COLQ: variants seen among roughly 807,000 people sequenced by gnomAD.
COLQ encodes collagen like tail subunit of asymmetric acetylcholinesterase.
Under a neutral mutation model 69.0 loss-of-function variants are expected in COLQ, and 48 were observed. That is an observed-to-expected ratio of 0.70 (90% CI 0.55 to 0.88). The LOEUF is 0.88. COLQ is among the 40% of genes least tolerant of loss of function. COLQ has a pLI of 0.00. For missense variants in COLQ, 618 were observed against 594.6 expected, an observed-to-expected ratio of 1.04 and a Z score of -0.41; for synonymous variants, 217 against 211.2, an observed-to-expected ratio of 1.03 and a Z score of -0.24.
At chr3:15,466,852 G>T (rs1217276102) in intron 11 of COLQ, among the ~76,000 whole-genome samples, 1 of 152,162 alleles carries the variant, frequency 6.6e-6, no homozygotes, top group East Asian at 1.9e-4. Context: ...CCAGCCTTTT[G>T]GCCTTTTTGG....
At chr3:15,463,493 C>T (rs2062153268) in intron 12 of COLQ, among the ~76,000 whole-genome samples, 1 of 151,954 alleles carries the variant, frequency 6.6e-6, no homozygotes, top group Admixed American at 6.6e-5. Flanking sequence ...ACTACAGGCG[C>T]CCGCCACTAC....
At chr3:15,467,738 C>T (rs2062220592) in intron 11 of COLQ, 1 of 400,872 alleles carries the variant, frequency 2.5e-6, no homozygotes, top group Non-Finnish European at 5.0e-6. Flanking sequence ...GTTCTTCTTA[C>T]TACACTTGCG....
intron 1 of COLQ, among the ~76,000 whole-genome samples, chr3:15,519,927 C>A (rs2063113683): frequency 6.6e-6 from 1 of 152,230 alleles, no homozygotes; most frequent in Admixed American, 6.5e-5. Context: ...GTGCCAGGCA[C>A]TGTTCTGACC....
chr3:15,468,854 G>A (rs1355452298), intron 11 of COLQ, among the ~76,000 whole-genome samples: 2 of 152,140 alleles, frequency 1.3e-5, no homozygotes, highest in Non-Finnish European at 2.9e-5. Context: ...ATAACCTGAG[G>A]AGACTGGATT....
At chr3:15,472,068 G>T (rs9813801) in intron 10 of COLQ, among the ~76,000 whole-genome samples, 4,288 of 151,398 alleles carry the variant, frequency 0.028, 188 homozygotes, top group African/African-American at 0.097. Flanking sequence ...TCTCTCCCAA[G>T]ACCTAATTAT....
intron 11 of COLQ, chr3:15,467,872 G>A (rs938436812): frequency 4.4e-6 from 2 of 456,642 alleles, no homozygotes; most frequent in African/African-American, 4.0e-5. Context: ...ACATGGCACT[G>A]GGGGCCGTCT....
At chr3:15,477,442 T>A in intron 5 of COLQ, 1 of 513,748 alleles carries the variant, frequency 1.9e-6, no homozygotes, top group Non-Finnish European at 3.5e-6. Context: ...AACTTCTTGG[T>A]TTTTTAATTT....
At chr3:15,453,653 C>G (rs780267134) in intron 16 of COLQ, among the ~76,000 whole-genome samples, 176 bp downstream of exon 16, 11 of 152,142 alleles carry the variant, frequency 7.2e-5, no homozygotes, top group Non-Finnish European at 1.6e-4. Flanking sequence ...CAGTGCTGAC[C>G]AAGAGGGCAC....
chr3:15,467,510 A>G (rs1575469736), intron 11 of COLQ, among the ~76,000 whole-genome samples: 1 of 152,240 alleles, frequency 6.6e-6, no homozygotes, highest in Non-Finnish European at 1.5e-5. Context: ...ATCTGTGGCT[A>G]CAGCCGTTCC....
chr3:15,492,205 A>G (rs1303514386), intron 1 of COLQ, among the ~76,000 whole-genome samples: 1 of 152,208 alleles, frequency 6.6e-6, no homozygotes, highest in Non-Finnish European at 1.5e-5. Context: ...TCAAATAAAG[A>G]TTATGGTATT....
rs544927968 is a variant in COLQ at position 15,451,128 on chromosome 3, C to T, written c.*516G>A. 6.3e-4 allele frequency: 104 copies of T among 165,024 alleles called. No homozygotes were observed. Among genetic ancestry groups the T allele is most frequent in the South Asian group, 2.1e-3 (13 of 6,068 alleles). 10.2% of individuals were successfully genotyped at this position (165,024 alleles called of 1,614,324 possible). A position where few individuals can be genotyped will look rare whatever the true frequency, so the allele number is the denominator to read the frequency against. On this transcript the variant is annotated 3_prime_UTR_variant, in exon 17 of 17. Coordinates refer to ENST00000383788, the MANE Select transcript of COLQ (RefSeq NM_005677.4). ...GCAGGTTCAAAGCTGTGAGCCACCC[C>T]GAGAGAACGTGCCCACTTCCCTGCT...
chr3:15,451,567 G>T lies in COLQ; in HGVS notation c.*77C>A. The stretch of plus-strand genomic sequence containing the variant: ...ACAAAGGTTGGTGGAGACGGGGCCA[G>T]GACATGGCCAGTTTGATGACAGTGG... On this transcript the variant is annotated 3_prime_UTR_variant, in exon 17 of 17. Transcript: ENST00000383788. The T allele has an allele frequency of 7.4e-7, 1 of 1,358,958 alleles. No individual in the cohort carries two copies. 84.2% of individuals were successfully genotyped at this position (1,358,958 alleles called of 1,614,324 possible).
At chr3:15,459,017 T>C (rs949378835) in intron 12 of COLQ, among the ~76,000 whole-genome samples, 3 of 152,048 alleles carry the variant, frequency 2.0e-5, no homozygotes, top group Admixed American at 2.0e-4. Context: ...CTAATTTTTG[T>C]ATTTTTAGTA....
chr3:15,503,934 C>A (rs2062867355), intron 1 of COLQ, among the ~76,000 whole-genome samples: 1 of 152,098 alleles, frequency 6.6e-6, no homozygotes. Flanking sequence ...GAACCACTTA[C>A]CAACGCCCAG....
At chr3:15,504,787 A>C (rs1203622562) in intron 1 of COLQ, among the ~76,000 whole-genome samples, 2 of 152,174 alleles carry the variant, frequency 1.3e-5, no homozygotes, top group Non-Finnish European at 2.9e-5. Context: ...TTGAACCCGG[A>C]AACTGAAGGT....
intron 1 of COLQ, chr3:15,496,429 A>T (rs2062746903): frequency 6.4e-6 from 1 of 155,782 alleles, no homozygotes; most frequent in Non-Finnish European, 1.5e-5. Flanking sequence ...AGGACTTCAC[A>T]TGTCTATTTT....
At chr3:15,521,493 G>A (rs2063137265) in intron 1 of COLQ, 27 bp downstream of exon 1, 2 of 1,613,766 alleles carry the variant, frequency 1.2e-6, no homozygotes, top group Non-Finnish European at 1.7e-6. Flanking sequence ...ACAGATGGAA[G>A]AGAGGAAAGT....
intron 1 of COLQ, 103 bp downstream of exon 1, chr3:15,521,417 A>C: frequency 3.4e-6 from 5 of 1,483,650 alleles, no homozygotes; most frequent in Non-Finnish European, 4.6e-6. Flanking sequence ...CCCTCCACCA[A>C]CAGTTGAATG....
At chr3:15,467,424 C>A (rs1230632236) in intron 11 of COLQ, among the ~76,000 whole-genome samples, 1 of 152,200 alleles carries the variant, frequency 6.6e-6, no homozygotes, top group African/African-American at 2.4e-5. Flanking sequence ...CTATGTGGGG[C>A]AAGCCAATTA....
Sources: gnomAD v4.1 joint callset for allele counts (sites outside exome capture counted in the v4.1 genomes callset) on GRCh38, gnomAD v4.1.1 for gene constraint, MANE v1.5 for transcripts, NCBI Gene and HGNC (gene_info 2026-07-23, HGNC 2026-07-21) for gene names.